TNIK: variants seen among roughly 807,000 people sequenced by gnomAD.
The protein encoded by TNIK is TRAF2 and NCK interacting kinase.
A neutral mutation model predicts 191.3 loss-of-function variants in TNIK; 49 were observed. That is an observed-to-expected ratio of 0.26 (90% confidence interval 0.20 to 0.32). TNIK has a LOEUF of 0.32. TNIK is among the 10% of genes least tolerant of loss of function. The pLI is 1.00. For missense variants in TNIK, 1,155 were observed against 1,702.3 expected (o/e 0.68, Z 5.66); for synonymous variants, 594 against 600.9 (o/e 0.99, Z 0.17).
intron 2 of TNIK, 107 bp from the exon 3 acceptor site, chr3:171,228,328 T>G (rs548907882): frequency 3.5e-5 from 39 of 1,118,628 alleles, no homozygotes; most frequent in Non-Finnish European, 4.8e-5. Flanking sequence ...ACTATGTCAA[T>G]GGGGGGAGAG....
At chr3:171,118,839 G>C (rs1375985754) in intron 18 of TNIK, among the ~76,000 whole-genome samples, 4 of 152,142 alleles carry the variant, frequency 2.6e-5, no homozygotes, top group African/African-American at 9.7e-5. Flanking sequence ...AAAAACCCTA[G>C]AATAAAACCT....
At chr3:171,315,786 C>A (rs1381309977) in intron 2 of TNIK, among the ~76,000 whole-genome samples, 1 of 152,130 alleles carries the variant, frequency 6.6e-6, no homozygotes, top group East Asian at 1.9e-4. Context: ...CTGTGTCTGT[C>A]TTTTCTCCTC....
intron 26 of TNIK, 67 bp downstream of exon 26, chr3:171,084,088 A>G: frequency 1.4e-6 from 2 of 1,453,174 alleles, no homozygotes; most frequent in South Asian, 3.0e-5. Context: ...CAGGCTTTTA[A>G]TGTTTGAGGG....
intron 21 of TNIK, among the ~76,000 whole-genome samples, chr3:171,104,612 T>TA (rs1388927110): frequency 6.6e-6 from 1 of 152,180 alleles, no homozygotes; most frequent in Non-Finnish European, 1.5e-5. Context: ...ACATCTTGAC[T>TA]AAAAAGGCGC....
intron 1 of TNIK, 134 bp from the exon 2 acceptor site, chr3:171,369,819 T>A: frequency 1.8e-6 from 1 of 567,864 alleles, no homozygotes; most frequent in Non-Finnish European, 2.9e-6. Flanking sequence ...TGTTAACATT[T>A]AATACTATCA....
At chr3:171,298,103 A>C (rs1475965247) in intron 2 of TNIK, among the ~76,000 whole-genome samples, 1 of 152,214 alleles carries the variant, frequency 6.6e-6, no homozygotes, top group Non-Finnish European at 1.5e-5. Context: ...TTTCCATTCA[A>C]TATGAACAAG....
intron 2 of TNIK, among the ~76,000 whole-genome samples, chr3:171,340,065 T>C (rs1479109609): frequency 6.6e-6 from 1 of 152,196 alleles, no homozygotes; most frequent in African/African-American, 2.4e-5. Context: ...AGTAGATACA[T>C]ACAATCTACT....
chr3:171,152,778 T>A (rs868358456), intron 12 of TNIK, among the ~76,000 whole-genome samples: 1 of 11,480 alleles, frequency 8.7e-5, no homozygotes, highest in Non-Finnish European at 1.8e-4. Flanking sequence ...TGTTTTTTGT[T>A]TTTTTTTTTT....
At chr3:171,248,252 G>A (rs1039804072) in intron 2 of TNIK, among the ~76,000 whole-genome samples, 6 of 152,166 alleles carry the variant, frequency 3.9e-5, no homozygotes, top group East Asian at 3.8e-4. Flanking sequence ...CAGGGGCAGC[G>A]GAAGGGAGGA....
At chr3:171,341,560 T>A (rs533975712) in intron 2 of TNIK, among the ~76,000 whole-genome samples, 4 of 150,812 alleles carry the variant, frequency 2.7e-5, no homozygotes, top group African/African-American at 9.7e-5. Context: ...CTCAGCTTTT[T>A]GTTTTTTGTT....
intron 2 of TNIK, among the ~76,000 whole-genome samples, chr3:171,300,572 T>TGG (rs1228199238): frequency 6.6e-6 from 1 of 152,146 alleles, no homozygotes; most frequent in Non-Finnish European, 1.5e-5. Context: ...ATATAAATGA[T>TGG]GGTGACAGAA....
intron 28 of TNIK, among the ~76,000 whole-genome samples, chr3:171,078,863 A>G (rs73169752): frequency 0.012 from 1,841 of 152,238 alleles, 24 homozygotes; most frequent in Middle Eastern, 0.034. Flanking sequence ...AGGGATGTGT[A>G]TGTGTGTGTG....
At chr3:171,398,278 T>C (rs561844638) in intron 1 of TNIK, among the ~76,000 whole-genome samples, 3 of 152,280 alleles carry the variant, frequency 2.0e-5, no homozygotes, top group South Asian at 2.1e-4. Flanking sequence ...AGTTCCAACA[T>C]TGCAATATTT....
At chr3:171,413,267 C>G (rs1722636671) in intron 1 of TNIK, among the ~76,000 whole-genome samples, 1 of 152,172 alleles carries the variant, frequency 6.6e-6, no homozygotes, top group Non-Finnish European at 1.5e-5. Context: ...AAATAACTAG[C>G]TGGTTTCAGA....
chr3:171,386,156 C>T (rs1718701547), intron 1 of TNIK, among the ~76,000 whole-genome samples: 1 of 152,064 alleles, frequency 6.6e-6, no homozygotes, highest in Non-Finnish European at 1.5e-5. Flanking sequence ...ATAATTTTAC[C>T]AAGATCAACA....
intron 12 of TNIK, among the ~76,000 whole-genome samples, chr3:171,143,778 T>C (rs1029917327): frequency 1.4e-4 from 22 of 152,190 alleles, no homozygotes; most frequent in African/African-American, 5.1e-4. Context: ...GGCTAAGTAA[T>C]AGAAGAGGGG....
At chr3:171,349,061 GA>G (rs922986616) in intron 2 of TNIK, among the ~76,000 whole-genome samples, 5 of 151,240 alleles carry the variant, frequency 3.3e-5, no homozygotes, top group Non-Finnish European at 7.4e-5. Flanking sequence ...CTGAATGGCT[GA>G]AAACTAGTGA....
At chr3:171,228,702 C>T (rs1743246377) in intron 2 of TNIK, among the ~76,000 whole-genome samples, 1 of 152,032 alleles carries the variant, frequency 6.6e-6, no homozygotes, top group Non-Finnish European at 1.5e-5. Context: ...TAAAAGGGAG[C>T]CTAAACTAAA....
chr3:171,435,569 A>G (rs1254352067), intron 1 of TNIK, among the ~76,000 whole-genome samples: 2 of 152,236 alleles, frequency 1.3e-5, no homozygotes, highest in East Asian at 3.8e-4. Flanking sequence ...TATTAAAAAT[A>G]GTTTTTGCTT....
Sources: allele counts gnomAD v4.1 joint callset (sites outside exome capture counted in the v4.1 genomes callset), GRCh38; gene constraint gnomAD v4.1.1; transcripts MANE v1.5; gene names NCBI Gene and HGNC (gene_info 2026-07-23, HGNC 2026-07-21).